The following ZFAT variants were observed in gnomAD, a reference collection of about 807,000 sequenced individuals.
ZFAT encodes the protein zinc finger and AT-hook domain containing, also known as zinc finger protein ZFAT.
Under a neutral mutation model 117.7 loss-of-function variants are expected in ZFAT, and 64 were observed. The ratio of observed to expected loss-of-function variants is 0.54; its 90% CI spans 0.44 to 0.67. ZFAT has a LOEUF of 0.67. Among genes scored for constraint, ZFAT ranks in the 30% least tolerant of loss-of-function variants. The pLI is 0.00. For synonymous variants in ZFAT, 679 were observed against 615.0 expected, an observed-to-expected ratio of 1.10 and a Z score of -1.54; for missense variants, 1,433 against 1,584.5, an observed-to-expected ratio of 0.90 and a Z score of 1.62.
chr8:134,676,828 AC>A (rs1832829242), intron 1 of ZFAT, among the ~76,000 whole-genome samples: 2 of 152,222 alleles, frequency 1.3e-5, no homozygotes. Context: ...GAACTGAACA[AC>A]CTGCTCCTGA....
At chr8:134,775,693 T>C in the ZFAT span, among the ~76,000 whole-genome samples, 1 of 152,228 alleles carries the variant, frequency 6.6e-6, no homozygotes, top group Non-Finnish European at 1.5e-5. Context: ...GTTGGTAATT[T>C]CTCACTATTT....
Position 134,608,764 on chromosome 8 carries a change from C to T in ZFAT, c.750G>A (p.Gln250=). Reference sequence around the variant, plus strand: ...TCATTGGTTGCTCATAAGGTGTCTGCTGAATGGCGTATTCCTGGTAGCCTC... The same window carrying T: ...TCATTGGTTGCTCATAAGGTGTCTGTTGAATGGCGTATTCCTGGTAGCCTC... ...PRRGYQEYAI[Q]QTPYEQPMKS... The change falls in exon 5 of 16, where the codon CAG becomes CAA. Residue 250 remains glutamine (Q), a synonymous_variant. Transcript: ENST00000377838. 1 of 1,610,708 alleles carries T rather than the reference C, an allele frequency of 6.2e-7. No homozygotes were observed. The highest frequency in any genetic ancestry group is 1.1e-5 in the South Asian group (1 of 90,202).
At position 134,479,245 on chromosome 8, in the gene ZFAT, A is replaced by T. The variant is rs150050973; in HGVS notation, c.3493-524T>A. ...CACTAGGAAGGAGCAGACGCCTGGC[A>T]GGCCTGATTTTCCCCAGGTGTCGTC... On this transcript the variant is annotated intron_variant, in intron 15 of 15. Coordinates refer to ENST00000377838, the MANE Select transcript of ZFAT (RefSeq NM_020863.4). 2.6e-3 allele frequency among the ~76,000 whole-genome samples: 392 copies of T among 152,358 alleles called. 1 individual carries two copies. The highest frequency in any genetic ancestry group is 3.4e-3 in the Middle Eastern group (1 of 294).
chr8:134,549,080 A>G (rs187538951), intron 11 of ZFAT, among the ~76,000 whole-genome samples: 2 of 152,344 alleles, frequency 1.3e-5, no homozygotes, highest in East Asian at 3.9e-4. Flanking sequence ...GTCACCCAGT[A>G]AAGCTTGTGA....
At chr8:134,637,752 A>G (rs1830313303) in intron 2 of ZFAT, 40 bp from the exon 3 acceptor site, 12 of 1,596,742 alleles carry the variant, frequency 7.5e-6, no homozygotes, top group African/African-American at 1.3e-5. Context: ...ATCACGTGAG[A>G]CGGCAGTGCA....
chr8:134,601,375 G>T, intron 6 of ZFAT, 102 bp downstream of exon 6: 1 of 1,479,524 alleles, frequency 6.8e-7, no homozygotes, highest in Non-Finnish European at 9.0e-7. Context: ...GGCTCACTTA[G>T]AAGGTATTCT....
At position 134,650,803 on chromosome 8, in the gene ZFAT, G is replaced by A. The variant is rs542654991; in HGVS notation, c.196+6758C>T. 5.9e-5 allele frequency among the ~76,000 whole-genome samples: 9 copies of A among 152,200 alleles called. No individual in the cohort carries two copies. In the South Asian group the frequency reaches 1.7e-3, roughly 28 times the overall value. Reference sequence around the variant, plus strand: ...ACAAGGGTGCCAAAACCTCTCAATGGGAAAAGAACAGTCTTGTCAACAAAT... The same window carrying A: ...ACAAGGGTGCCAAAACCTCTCAATGAGAAAAGAACAGTCTTGTCAACAAAT... On this transcript the variant is annotated intron_variant, in intron 2 of 15. Coordinates refer to ENST00000377838, the MANE Select transcript of ZFAT (RefSeq NM_020863.4).
chr8:134,479,968 T>C (rs1277045079), intron 15 of ZFAT, among the ~76,000 whole-genome samples: 1 of 151,122 alleles, frequency 6.6e-6, no homozygotes, highest in Non-Finnish European at 1.5e-5. Context: ...TTTTTTTTTT[T>C]TTGGAGACAA....
At chr8:134,756,107 A>T in the ZFAT span, among the ~76,000 whole-genome samples, 1 of 152,120 alleles carries the variant, frequency 6.6e-6, no homozygotes, top group Non-Finnish European at 1.5e-5. Flanking sequence ...CTTTTCCTGG[A>T]AGCACAGAGA....
At chr8:134,653,161 T>C (rs1831355579) in intron 2 of ZFAT, among the ~76,000 whole-genome samples, 1 of 149,048 alleles carries the variant, frequency 6.7e-6, no homozygotes, top group African/African-American at 2.5e-5. Context: ...TGGGGTTTTT[T>C]TTTTCATTAT....
chr8:134,618,369 G>C (rs1348855855), intron 3 of ZFAT, among the ~76,000 whole-genome samples: 1 of 152,188 alleles, frequency 6.6e-6, no homozygotes, highest in Non-Finnish European at 1.5e-5. Flanking sequence ...ACCCCAGGCT[G>C]TCCTGGTATG....
intron 15 of ZFAT, among the ~76,000 whole-genome samples, chr8:134,490,249 C>G (rs1351747474): frequency 6.6e-6 from 1 of 152,132 alleles, no homozygotes; most frequent in African/African-American, 2.4e-5. Context: ...GAGGTGACAC[C>G]AAGATCAAGG....
chr8:134,643,546 A>G (rs1830709676), intron 2 of ZFAT, among the ~76,000 whole-genome samples: 1 of 152,184 alleles, frequency 6.6e-6, no homozygotes, highest in Non-Finnish European at 1.5e-5. Context: ...AAAGGTCAGT[A>G]TCTTATCTCT....
the ZFAT span, among the ~76,000 whole-genome samples, chr8:134,770,640 A>C: frequency 1.3e-5 from 2 of 152,268 alleles, no homozygotes; most frequent in African/African-American, 4.8e-5. Flanking sequence ...AGCAATGTTT[A>C]GGAAACAAGA....
chr8:134,684,393 TAAG>T (rs1478102724), intron 1 of ZFAT, among the ~76,000 whole-genome samples: 1 of 152,166 alleles, frequency 6.6e-6, no homozygotes, highest in Non-Finnish European at 1.5e-5. Flanking sequence ...GACAAAATAA[TAAG>T]ATCTCCATCT....
chr8:134,760,850 G>GA, the ZFAT span, among the ~76,000 whole-genome samples: 1 of 152,190 alleles, frequency 6.6e-6, no homozygotes, highest in East Asian at 1.9e-4. Flanking sequence ...AAAGTTACAA[G>GA]ACAGGTGCTA....
At chr8:134,646,073 G>A (rs1830873034) in intron 2 of ZFAT, among the ~76,000 whole-genome samples, 1 of 152,212 alleles carries the variant, frequency 6.6e-6, no homozygotes, top group African/African-American at 2.4e-5. Context: ...GCCGGGCGTG[G>A]TGGCGGGCGC....
chr8:134,757,514 C>T, the ZFAT span, among the ~76,000 whole-genome samples: 1,093 of 152,196 alleles, frequency 7.2e-3, 13 homozygotes, highest in African/African-American at 0.025. Context: ...GATTCCACCA[C>T]TTGTGGTGGG....
chr8:134,605,507 C>T (rs1482710801), intron 5 of ZFAT, among the ~76,000 whole-genome samples: 1 of 150,376 alleles, frequency 6.6e-6, no homozygotes, highest in Non-Finnish European at 1.5e-5. Context: ...GATCGCGCCA[C>T]TGCACTCCAG....
Sources: allele counts gnomAD v4.1 joint callset (sites outside exome capture counted in the v4.1 genomes callset), GRCh38; gene constraint gnomAD v4.1.1; transcripts MANE v1.5; gene names NCBI Gene and HGNC (gene_info 2026-07-23, HGNC 2026-07-21).